Variants in SLC14A2 observed in about 807,000 individuals in gnomAD.
The protein encoded by SLC14A2 is urea transporter 2.
SLC14A2 carries 91 observed loss-of-function variants against 104.6 expected under a neutral mutation model. The observed-to-expected ratio is 0.87, with a 90% CI of 0.73 to 1.04. The LOEUF is 1.04. Among genes scored for constraint, SLC14A2 ranks in the 50% least tolerant of loss-of-function variants. The pLI, the probability that SLC14A2 is intolerant of heterozygous loss-of-function variation, is 0.00. For missense variants in SLC14A2, 1,189 were observed against 1,156.0 expected, an observed-to-expected ratio of 1.03 and a Z score of -0.41; for synonymous variants, 476 against 466.4, an observed-to-expected ratio of 1.02 and a Z score of -0.27.
chr18:45,547,560 G>A (rs1454347309), intron 2 of SLC14A2, among the ~76,000 whole-genome samples: 1 of 152,226 alleles, frequency 6.6e-6, no homozygotes, highest in East Asian at 1.9e-4. Flanking sequence ...GGAACTCTTA[G>A]CTTGGGACCT....
chr18:45,271,654 A>G (rs1369806430), intron 1 of SLC14A2, among the ~76,000 whole-genome samples: 4 of 152,150 alleles, frequency 2.6e-5, no homozygotes, highest in Admixed American at 1.3e-4. Context: ...TGAAAAGAAC[A>G]CCAAAAAATG....
intron 1 of SLC14A2, among the ~76,000 whole-genome samples, chr18:45,364,748 T>G (rs2085649603): frequency 6.6e-6 from 1 of 152,226 alleles, no homozygotes; most frequent in Non-Finnish European, 1.5e-5. Flanking sequence ...GCAAGCATGA[T>G]ATGTTTTACT....
intron 1 of SLC14A2, among the ~76,000 whole-genome samples, chr18:45,478,565 G>A (rs1180872575): frequency 6.6e-6 from 1 of 152,106 alleles, no homozygotes; most frequent in Non-Finnish European, 1.5e-5. Flanking sequence ...TCTTTGTAGA[G>A]TTCTTCTGAT....
chr18:45,421,565 G>A (rs1861902), intron 1 of SLC14A2, among the ~76,000 whole-genome samples: 1 of 152,130 alleles, frequency 6.6e-6, no homozygotes, highest in African/African-American at 2.4e-5. Flanking sequence ...TTAAGGCGAT[G>A]TTTTTGGTCC....
At chr18:45,227,598 TAAA>T (rs2084132383) in intron 1 of SLC14A2, among the ~76,000 whole-genome samples, 1 of 152,190 alleles carries the variant, frequency 6.6e-6, no homozygotes, top group African/African-American at 2.4e-5. Flanking sequence ...GATCACCTCT[TAAA>T]GGCCCCACCT....
intron 2 of SLC14A2, among the ~76,000 whole-genome samples, chr18:45,502,188 A>G (rs957641883): frequency 3.3e-5 from 5 of 152,160 alleles, no homozygotes; most frequent in African/African-American, 1.2e-4. Flanking sequence ...AGAGATACAG[A>G]TATGGGAAGA....
Position 45,632,357 on chromosome 18 carries a change from A to G in SLC14A2, c.529A>G (p.Ile177Val), listed in dbSNP as rs1372262689. ...AGTCTGTTTCACCGCCAGGTCTGCCATTGCCTCAGGACTCCATGGGTACAA... is the reference window on the plus strand; with the variant it reads ...AGTCTGTTTCACCGCCAGGTCTGCCGTTGCCTCAGGACTCCATGGGTACAA... Reference protein sequence around the residue: ...ALALGQDRSAIASGLHGYNGM... With the variant: ...ALALGQDRSAVASGLHGYNGM... Residue 177 changes from isoleucine (I) to valine (V), a missense_variant, in exon 5 of 20, where the codon ATT becomes GTT. By Grantham distance (29) the Ile-to-Val change is conservative. Transcript: ENST00000255226. 1 of 1,611,730 alleles carries G rather than the reference A, an allele frequency of 6.2e-7. No homozygotes were observed. Among genetic ancestry groups the G allele is most frequent in the South Asian group, 1.1e-5 (1 of 90,742 alleles).
intron 1 of SLC14A2, among the ~76,000 whole-genome samples, chr18:45,347,494 G>A (rs544774612): frequency 3.1e-4 from 47 of 152,036 alleles, no homozygotes; most frequent in Non-Finnish European, 6.3e-4. Flanking sequence ...CACAAGAATG[G>A]GCCATTCCAT....
chr18:45,363,078 G>A (rs554125830), intron 1 of SLC14A2, among the ~76,000 whole-genome samples: 8 of 152,050 alleles, frequency 5.3e-5, no homozygotes, highest in South Asian at 2.1e-4. Flanking sequence ...CCCAACCCTC[G>A]GCCAAATCAA....
chr18:45,430,243 G>GGA (rs2086492917), intron 1 of SLC14A2, among the ~76,000 whole-genome samples: 1 of 152,190 alleles, frequency 6.6e-6, no homozygotes, highest in South Asian at 2.1e-4. Context: ...CACATAGTTG[G>GGA]TTAGTAGCAA....
chr18:45,205,708 A>G, the SLC14A2 span, among the ~76,000 whole-genome samples: 1 of 152,218 alleles, frequency 6.6e-6, no homozygotes, highest in Non-Finnish European at 1.5e-5. Flanking sequence ...CACATATTAT[A>G]AACTTGAAGA....
chr18:45,632,219 C>G, intron 4 of SLC14A2, 131 bp from the exon 5 acceptor site: 3 of 1,120,394 alleles, frequency 2.7e-6, no homozygotes, highest in Non-Finnish European at 3.8e-6. Flanking sequence ...ATTCATTGAG[C>G]GAACTGACTT....
intron 1 of SLC14A2, among the ~76,000 whole-genome samples, chr18:45,216,400 G>A (rs144685972): frequency 1.7e-3 from 260 of 152,244 alleles, no homozygotes; most frequent in African/African-American, 6.1e-3. Flanking sequence ...GAGTGAGGCT[G>A]GTCTAGTCTG....
chr18:45,514,082 T>C (rs2043404098), intron 2 of SLC14A2, among the ~76,000 whole-genome samples: 2 of 152,156 alleles, frequency 1.3e-5, no homozygotes, highest in Admixed American at 1.3e-4. Flanking sequence ...AAAAAAACAT[T>C]TTTTCCAAGG....
At chr18:45,411,515 G>C (rs2086215767) in intron 1 of SLC14A2, among the ~76,000 whole-genome samples, 1 of 152,156 alleles carries the variant, frequency 6.6e-6, no homozygotes, top group Non-Finnish European at 1.5e-5. Flanking sequence ...ATATCACACA[G>C]ATTCAGCTCC....
intron 1 of SLC14A2, among the ~76,000 whole-genome samples, chr18:45,239,925 C>T (rs1260124460): frequency 6.6e-6 from 1 of 152,048 alleles, no homozygotes; most frequent in African/African-American, 2.4e-5. Context: ...CCAGGCACAT[C>T]AATGTCACAA....
chr18:45,224,836 T>C (rs2084098190), intron 1 of SLC14A2, among the ~76,000 whole-genome samples: 1 of 152,154 alleles, frequency 6.6e-6, no homozygotes, highest in Admixed American at 6.5e-5. Flanking sequence ...AGACATTGCC[T>C]CTTGGTTTGA....
chr18:45,209,284 A>C (rs975952602), upstream of SLC14A2, among the ~76,000 whole-genome samples: 1 of 150,930 alleles, frequency 6.6e-6, no homozygotes, highest in Admixed American at 6.6e-5. Context: ...CGGAGCTTGC[A>C]GTGAGCCGAG....
At chr18:45,558,894 G>T (rs951847289) in intron 2 of SLC14A2, among the ~76,000 whole-genome samples, 1 of 152,058 alleles carries the variant, frequency 6.6e-6, no homozygotes, top group African/African-American at 2.4e-5. Flanking sequence ...GGGTTCAATC[G>T]ATTCCTCTGC....
Sources: allele counts gnomAD v4.1 joint callset (sites outside exome capture counted in the v4.1 genomes callset), GRCh38; gene constraint gnomAD v4.1.1; transcripts MANE v1.5; gene names NCBI Gene and HGNC (gene_info 2026-07-23, HGNC 2026-07-21).